GLIS3: variants seen among roughly 807,000 people sequenced by gnomAD.
GLIS3 encodes zinc finger protein GLIS3.
Under a neutral mutation model 78.6 loss-of-function variants are expected in GLIS3, and 53 were observed. The observed-to-expected ratio is 0.67, with a 90% confidence interval of 0.54 to 0.85. The LOEUF (loss-of-function observed/expected upper bound fraction) is 0.85. GLIS3 is among the 40% of genes least tolerant of loss of function. GLIS3 has a pLI of 0.00. For missense variants in GLIS3, 1,703 were observed against 1,231.1 expected (o/e 1.38, Z -5.74); for synonymous variants, 684 against 509.9 (o/e 1.34, Z -4.60).
intron 2 of GLIS3, among the ~76,000 whole-genome samples, chr9:4,331,528 T>C (rs1817685641): frequency 6.6e-6 from 1 of 152,172 alleles, no homozygotes; most frequent in Non-Finnish European, 1.5e-5. Context: ...TGACACTGAT[T>C]GGTCCGTTGA....
At chr9:4,063,559 TA>T (rs200576222) in intron 4 of GLIS3, among the ~76,000 whole-genome samples, 613 of 143,806 alleles carry the variant, frequency 4.3e-3, no homozygotes, top group Non-Finnish European at 4.5e-3. Flanking sequence ...GTTCATGATT[TA>T]AAAAAAAAAA....
At chr9:4,143,154 G>A (rs925056993) in intron 2 of GLIS3, among the ~76,000 whole-genome samples, 16 of 152,156 alleles carry the variant, frequency 1.1e-4, no homozygotes, top group African/African-American at 3.4e-4. Flanking sequence ...TTTGACATAC[G>A]TACACACTGT....
chr9:4,181,880 T>G (rs1457715113), intron 2 of GLIS3, among the ~76,000 whole-genome samples: 2 of 152,276 alleles, frequency 1.3e-5, no homozygotes, highest in Admixed American at 1.3e-4. Flanking sequence ...TAGGTGAAGC[T>G]ATCCTATGCC....
chr9:3,925,697 T>A (rs918806369), intron 6 of GLIS3, among the ~76,000 whole-genome samples: 3 of 152,178 alleles, frequency 2.0e-5, no homozygotes, highest in Non-Finnish European at 4.4e-5. Context: ...ACCCTCAACC[T>A]TGAACTTAAA....
At chr9:4,212,043 T>G (rs967587621) in intron 2 of GLIS3, among the ~76,000 whole-genome samples, 7 of 152,206 alleles carry the variant, frequency 4.6e-5, no homozygotes, top group African/African-American at 1.7e-4. Context: ...ACTGTAAATG[T>G]GCAGAGGAAT....
At chr9:4,002,989 G>A (rs1018400448) in intron 4 of GLIS3, among the ~76,000 whole-genome samples, 5 of 152,250 alleles carry the variant, frequency 3.3e-5, no homozygotes, top group South Asian at 4.1e-4. Context: ...GGAAACATCC[G>A]GTTTTGTGAG....
the GLIS3 span, among the ~76,000 whole-genome samples, chr9:4,488,251 G>A: frequency 1.3e-5 from 2 of 151,856 alleles, no homozygotes; most frequent in Non-Finnish European, 2.9e-5. Flanking sequence ...CACTGCACCT[G>A]GCCAATATGT....
intron 2 of GLIS3, among the ~76,000 whole-genome samples, chr9:4,196,137 C>G (rs552678251): frequency 2.6e-5 from 4 of 152,064 alleles, no homozygotes; most frequent in Admixed American, 6.5e-5. Context: ...TCTAGCTAAT[C>G]TAGTGGGGAC....
intron 1 of GLIS3, among the ~76,000 whole-genome samples, chr9:4,292,975 G>A (rs1037658130): frequency 6.6e-6 from 1 of 152,150 alleles, no homozygotes; most frequent in Non-Finnish European, 1.5e-5. Context: ...AATAGCACAT[G>A]GCCAGGGTTT....
Position 3,965,188 on chromosome 9 carries a change from CTTTTCTTTT to C in GLIS3, c.1711-28008_1711-28000del, listed in dbSNP as rs1380648466. ...TACTTCTTTTCTATTTCTTTCTTTT[CTTTTCTTTT>C]TTTTTTTTTTTTTTTGAGACAGAGT... On this transcript the variant is annotated intron_variant, in intron 4 of 10. Transcript: ENST00000381971. Among the ~76,000 whole-genome samples the C allele has an allele frequency of 4.2e-4, 42 of 99,018 alleles. 2 individuals are homozygous for C. The highest frequency in any genetic ancestry group is 9.1e-4 in the East Asian group (3 of 3,290). The allele number at this position is 99,018 out of a possible 152,430, so 65.0% of individuals were successfully genotyped here.
upstream of GLIS3, among the ~76,000 whole-genome samples, chr9:4,304,557 C>G (rs1424385854): frequency 6.6e-6 from 1 of 151,792 alleles, no homozygotes; most frequent in African/African-American, 2.4e-5. Context: ...AAAATATATA[C>G]TAAATAATGG....
At chr9:4,059,389 T>G (rs1449722739) in intron 4 of GLIS3, among the ~76,000 whole-genome samples, 1 of 152,232 alleles carries the variant, frequency 6.6e-6, no homozygotes, top group Non-Finnish European at 1.5e-5. Context: ...GCTTTCATCC[T>G]TCAGACAGTG....
chr9:4,313,925 A>C (rs964431606), intron 2 of GLIS3, among the ~76,000 whole-genome samples: 2 of 152,244 alleles, frequency 1.3e-5, no homozygotes, highest in African/African-American at 4.8e-5. Context: ...TGTTAAAAAT[A>C]TAAATGTGTA....
chr9:4,317,311 T>C (rs1017982433), intron 2 of GLIS3, among the ~76,000 whole-genome samples: 8 of 152,186 alleles, frequency 5.3e-5, no homozygotes, highest in Non-Finnish European at 8.8e-5. Flanking sequence ...GGCTTCTCAG[T>C]GAAATCTTCC....
At chr9:4,353,897 G>A in the GLIS3 span, among the ~76,000 whole-genome samples, 2 of 152,042 alleles carry the variant, frequency 1.3e-5, no homozygotes, top group Non-Finnish European at 2.9e-5. Context: ...GCGCGACCTC[G>A]GCTCACTGCA....
chr9:4,474,985 A>ATTTTTTTTTTTTT, the GLIS3 span, among the ~76,000 whole-genome samples: 106 of 114,502 alleles, frequency 9.3e-4, 12 homozygotes, highest in African/African-American at 3.0e-3. Context: ...GACTATGTTA[A>ATTTTTTTTTTTTT]TTTTTTTTTC....
chr9:4,160,465 G>C (rs1003683027), intron 2 of GLIS3, among the ~76,000 whole-genome samples: 7 of 152,210 alleles, frequency 4.6e-5, no homozygotes, highest in Admixed American at 3.3e-4. Flanking sequence ...ACAGCGGCAG[G>C]CCTGGCATAG....
At chr9:4,060,364 T>C (rs1329776939) in intron 4 of GLIS3, among the ~76,000 whole-genome samples, 20 of 152,194 alleles carry the variant, frequency 1.3e-4, no homozygotes, top group Non-Finnish European at 1.5e-5. Flanking sequence ...TCACCTTCAG[T>C]GGTCATCCCT....
chr9:4,330,817 C>T (rs1054232514), intron 2 of GLIS3, among the ~76,000 whole-genome samples: 2 of 152,130 alleles, frequency 1.3e-5, no homozygotes, highest in Non-Finnish European at 2.9e-5. Context: ...TGCTGAGAGA[C>T]TTTTCAGAAT....
Sources: allele counts gnomAD v4.1 joint callset (sites outside exome capture counted in the v4.1 genomes callset), GRCh38; gene constraint gnomAD v4.1.1; transcripts MANE v1.5; gene names NCBI Gene and HGNC (gene_info 2026-07-23, HGNC 2026-07-21).